Variants in CTDP1 observed in about 807,000 individuals in gnomAD.
CTDP1 encodes RNA polymerase II subunit A C-terminal domain phosphatase.
A neutral mutation model predicts 91.8 loss-of-function variants in CTDP1; 47 were observed. The observed-to-expected ratio is 0.51, with a 90% CI of 0.41 to 0.65. The LOEUF is 0.65. Ranked by LOEUF, CTDP1 falls within the 30% of genes least tolerant of loss-of-function variation. CTDP1 has a pLI of 0.00. For missense variants in CTDP1, 1,272 were observed against 1,373.7 expected, an observed-to-expected ratio of 0.93 and a Z score of 1.17; for synonymous variants, 656 against 598.5, an observed-to-expected ratio of 1.10 and a Z score of -1.40.
chr18:79,702,312 A>G (rs912646906), intron 4 of CTDP1, among the ~76,000 whole-genome samples: 1 of 152,204 alleles, frequency 6.6e-6, no homozygotes, highest in Admixed American at 6.5e-5. Context: ...CAGAAAGACT[A>G]TGACTTGCTG....
chr18:79,736,656 C>T (rs939382636), intron 12 of CTDP1, 135 bp downstream of exon 12: 34 of 904,878 alleles, frequency 3.8e-5, no homozygotes, highest in Admixed American at 5.8e-5. Context: ...AGCTTCCAAA[C>T]TCAGCAGCCC....
intron 10 of CTDP1, among the ~76,000 whole-genome samples, chr18:79,723,551 A>G (rs1015484873): frequency 6.6e-6 from 1 of 152,030 alleles, no homozygotes; most frequent in African/African-American, 2.4e-5. Context: ...CTCACTGGGG[A>G]CCTGGGGGTG....
Position 79,679,816 on chromosome 18 carries a change from C to G in CTDP1, c.-132C>G. 1 of 891,906 alleles carries G rather than the reference C, an allele frequency of 1.1e-6. No individual in the cohort carries two copies. The highest frequency in any genetic ancestry group is 1.6e-6 in the Non-Finnish European group (1 of 627,150). 55.2% of individuals were successfully genotyped at this position (891,906 alleles called of 1,614,324 possible). On this transcript the variant is annotated 5_prime_UTR_variant, in exon 1 of 13. Transcript: ENST00000613122. ...GCGCCCTCCAGGAAGTCGGCGCGGG[C>G]TAGGCGACGGGTGGAAGCCGGTACC...
chr18:79,748,879 G>A (rs1218121649), intron 12 of CTDP1, among the ~76,000 whole-genome samples: 1 of 76,892 alleles, frequency 1.3e-5, no homozygotes, highest in African/African-American at 3.3e-5. Flanking sequence ...CTGTGTGTTT[G>A]CCGTGTCTGT....
At chr18:79,755,490 A>T (rs1410424597), downstream of CTDP1, 1 of 152,156 alleles carries the variant, frequency 6.6e-6, no homozygotes, top group East Asian at 1.9e-4. Context: ...AAAGCAGAAG[A>T]TTCTACAGTT....
intron 12 of CTDP1, among the ~76,000 whole-genome samples, chr18:79,750,473 C>T (rs1418079678): frequency 3.3e-5 from 5 of 151,800 alleles, no homozygotes; most frequent in African/African-American, 1.2e-4. Flanking sequence ...GGTATTAGGG[C>T]GTGCACTTCC....
intron 12 of CTDP1, among the ~76,000 whole-genome samples, chr18:79,738,651 G>T (rs908687479): frequency 6.6e-6 from 1 of 152,180 alleles, no homozygotes; most frequent in Non-Finnish European, 1.5e-5. Context: ...ACTCATTCAG[G>T]CAATCCAGTT....
At chr18:79,681,865 A>T (rs1427630262) in intron 1 of CTDP1, among the ~76,000 whole-genome samples, 2 of 152,076 alleles carry the variant, frequency 1.3e-5, no homozygotes, top group Non-Finnish European at 2.9e-5. Flanking sequence ...CTGGAATTTG[A>T]GGTGGCTTCT....
chr18:79,714,008 G>A (rs926758631), intron 7 of CTDP1, among the ~76,000 whole-genome samples: 1 of 144,832 alleles, frequency 6.9e-6, no homozygotes, highest in Non-Finnish European at 1.5e-5. Flanking sequence ...TGCCAGGTCT[G>A]CAGGGGCTTA....
At chr18:79,696,097 T>C (rs2085740472) in intron 3 of CTDP1, 27 bp downstream of exon 3, 5 of 1,600,754 alleles carry the variant, frequency 3.1e-6, no homozygotes, top group Non-Finnish European at 4.3e-6. Flanking sequence ...TGGCGGCGTG[T>C]TGGGGAAGCG....
At chr18:79,715,854 G>T (rs538329566) in intron 8 of CTDP1, among the ~76,000 whole-genome samples, 1 of 152,310 alleles carries the variant, frequency 6.6e-6, no homozygotes, top group South Asian at 2.1e-4. Context: ...TTCGAGGCAG[G>T]AACAGGAGTT....
chr18:79,733,977 T>G (rs1371745365), intron 11 of CTDP1, among the ~76,000 whole-genome samples: 1 of 152,248 alleles, frequency 6.6e-6, no homozygotes, highest in African/African-American at 2.4e-5. Flanking sequence ...AAAATTATGT[T>G]AGCATGTTTT....
At chr18:79,731,134 C>T (rs2086557602) in intron 11 of CTDP1, among the ~76,000 whole-genome samples, 1 of 152,192 alleles carries the variant, frequency 6.6e-6, no homozygotes, top group South Asian at 2.1e-4. Flanking sequence ...TGCCGTGGCC[C>T]CTCTTCATCC....
intron 1 of CTDP1, among the ~76,000 whole-genome samples, chr18:79,689,163 TC>T (rs766748502): frequency 6.6e-6 from 1 of 152,196 alleles, no homozygotes; most frequent in Non-Finnish European, 1.5e-5. Context: ...GTCAGCTCCT[TC>T]GTCTTTCTTT....
At chr18:79,707,434 G>A (rs901325001) in intron 5 of CTDP1, among the ~76,000 whole-genome samples, 8 of 152,258 alleles carry the variant, frequency 5.3e-5, no homozygotes, top group Non-Finnish European at 7.3e-5. Context: ...GCTGGTGGGC[G>A]CTTGGCTGCG....
chr18:79,755,082 G>A (rs1162874415), downstream of CTDP1: 1 of 152,298 alleles, frequency 6.6e-6, no homozygotes, highest in African/African-American at 2.4e-5. Flanking sequence ...TTTCCTGTGG[G>A]GTTTTCGATG....
chr18:79,718,997 T>TTG (rs548771859), intron 10 of CTDP1, among the ~76,000 whole-genome samples: 293 of 152,292 alleles, frequency 1.9e-3, no homozygotes, highest in Non-Finnish European at 3.4e-3. Context: ...TGCTGAGGCC[T>TTG]GGAGTGCATG....
chr18:79,679,856 C>T lies in CTDP1; in HGVS notation c.-92C>T, dbSNP rs2085316475. The T allele has an allele frequency of 3.4e-6, 4 of 1,189,096 alleles. No homozygotes were observed. Among genetic ancestry groups the T allele is most frequent in the South Asian group, 1.6e-5 (1 of 60,980 alleles). 73.7% of individuals were successfully genotyped at this position (1,189,096 alleles called of 1,614,324 possible). ...AAGCCGGTACCGAGAGGAACTACAG[C>T]GTCGCCGCCTGGGTTGTGTCGCCGC... On this transcript the variant is annotated 5_prime_UTR_variant, in exon 1 of 13. Coordinates refer to ENST00000613122, the MANE Select transcript of CTDP1 (RefSeq NM_004715.5).
At chr18:79,743,814 T>A (rs1175035412) in intron 12 of CTDP1, among the ~76,000 whole-genome samples, 1 of 152,106 alleles carries the variant, frequency 6.6e-6, no homozygotes, top group Non-Finnish European at 1.5e-5. Flanking sequence ...TCAAAATACA[T>A]CGTGAAACAG....
Sources: allele counts gnomAD v4.1 joint callset (sites outside exome capture counted in the v4.1 genomes callset), GRCh38; gene constraint gnomAD v4.1.1; transcripts MANE v1.5; gene names NCBI Gene and HGNC (gene_info 2026-07-23, HGNC 2026-07-21).